The following LAMC3 variants were observed in gnomAD, a reference collection of about 807,000 sequenced individuals.
LAMC3 encodes the protein laminin subunit gamma 3.
LAMC3 carries 128 observed loss-of-function variants against 173.8 expected under a neutral mutation model. The observed-to-expected ratio is 0.74, with a 90% CI of 0.64 to 0.85. The LOEUF (loss-of-function observed/expected upper bound fraction) is 0.85, where lower values mean the gene tolerates loss of function less well. LAMC3 is among the 40% of genes least tolerant of loss of function. The pLI is 0.00. For missense variants in LAMC3, 2,022 were observed against 2,156.0 expected, an observed-to-expected ratio of 0.94 and a Z score of 1.23; for synonymous variants, 897 against 909.1, an observed-to-expected ratio of 0.99 and a Z score of 0.24.
At chr9:131,041,439 G>A (rs188473198) in intron 6 of LAMC3, among the ~76,000 whole-genome samples, 198 bp from the exon 7 acceptor site, 1 of 152,214 alleles carries the variant, frequency 6.6e-6, no homozygotes, top group Non-Finnish European at 1.5e-5. Context: ...GATGTGTGGT[G>A]GGTGGGAAGA....
At chr9:131,010,411 C>T (rs987449928) in intron 1 of LAMC3, among the ~76,000 whole-genome samples, 11 of 152,308 alleles carry the variant, frequency 7.2e-5, no homozygotes, top group African/African-American at 2.4e-4. Context: ...AGGGGTGCCC[C>T]GTGGGGCGGG....
Position 131,049,136 on chromosome 9 carries a change from T to G in LAMC3, c.1630+6T>G. ...GGAGGAGCTCACAGCACCAGGTACC[T>G]CCAGCACCAGGTGGGGGCTGGCCGC... On this transcript the variant is annotated splice_donor_region_variant and intron_variant, in intron 9 of 27. Transcript: ENST00000361069. 6.0e-6 allele frequency: 9 copies of G among 1,508,848 alleles called. No homozygotes were observed. The highest frequency in any genetic ancestry group is 7.2e-6 in the Non-Finnish European group (8 of 1,107,876). The allele number at this position is 1,508,848 out of a possible 1,614,324, so 93.5% of individuals were successfully genotyped here.
intron 1 of LAMC3, among the ~76,000 whole-genome samples, chr9:131,010,907 CTG>C (rs1564360513): frequency 6.6e-6 from 1 of 152,248 alleles, no homozygotes; most frequent in Non-Finnish European, 1.5e-5. Context: ...CCCATGTCCT[CTG>C]TGGCCGGGTA....
Position 131,092,816 on chromosome 9 carries a change from T to G in LAMC3, c.*1029T>G, listed in dbSNP as rs1436249576. 3 of 152,204 alleles carry G rather than the reference T, an allele frequency of 2.0e-5. No individual in the cohort carries two copies. Among genetic ancestry groups the G allele is most frequent in the Non-Finnish European group, 4.4e-5 (3 of 68,110 alleles). 9.4% of individuals were successfully genotyped at this position (152,204 alleles called of 1,614,324 possible). A position where few individuals can be genotyped will look rare whatever the true frequency, so the allele number is the denominator to read the frequency against. ...CTGGCTGCCATTCCAGTCTGTCCTG[T>G]CTGGGAATCGCCCTGTGGCCAGGCC... On this transcript the variant is annotated 3_prime_UTR_variant, in exon 28 of 28. Coordinates refer to ENST00000361069, the MANE Select transcript of LAMC3 (RefSeq NM_006059.4).
chr9:131,053,295 T>C (rs1834335872), intron 11 of LAMC3, among the ~76,000 whole-genome samples: 1 of 152,118 alleles, frequency 6.6e-6, no homozygotes, highest in South Asian at 2.1e-4. Context: ...CCAAGCCCCC[T>C]GTCCCCGCTG....
chr9:131,036,383 G>A (rs1564370121), intron 4 of LAMC3, 51 bp downstream of exon 4: 1 of 1,605,798 alleles, frequency 6.2e-7, no homozygotes, highest in Non-Finnish European at 8.5e-7. Flanking sequence ...TGGTGTTGCA[G>A]GCGGGGAAAG....
chr9:131,037,874 G>C (rs1833973202), intron 4 of LAMC3, among the ~76,000 whole-genome samples: 8 of 152,172 alleles, frequency 5.3e-5, no homozygotes, highest in Admixed American at 5.2e-4. Flanking sequence ...CCCAGCTAAC[G>C]TCCACTGACC....
At chr9:131,060,858 G>A (rs1457885647) in intron 12 of LAMC3, among the ~76,000 whole-genome samples, 177 bp from the exon 13 acceptor site, 1 of 152,130 alleles carries the variant, frequency 6.6e-6, no homozygotes. Context: ...TGGTGGACAT[G>A]AACCAGGTGG....
intron 24 of LAMC3, among the ~76,000 whole-genome samples, chr9:131,084,327 C>T (rs967909513): frequency 1.3e-5 from 2 of 152,044 alleles, no homozygotes; most frequent in African/African-American, 4.8e-5. Context: ...CCTTCCACCT[C>T]AGTCTCGTGA....
Position 131,052,492 on chromosome 9 carries a change from G to A in LAMC3, c.1632G>A (p.Glu544=), listed in dbSNP as rs746666733. Residue 544 remains glutamate (E), a splice_region_variant and synonymous_variant, in exon 10 of 28, where the codon GAG becomes GAA. Transcript: ENST00000361069. ...PEDEEELTAP[E]KFLGDQRFSY... ...AAAGCCTTCTTCTCTTGTCTTCAGA[G>A]AAGTTCCTGGGAGACCAGCGGTTCA... is the stretch of plus-strand genomic sequence containing the variant. 2 of 1,613,778 alleles carry A rather than the reference G, an allele frequency of 1.2e-6. No homozygotes were observed. The highest frequency in any genetic ancestry group is 1.6e-4 in the Middle Eastern group (1 of 6,084).
At chr9:131,055,040 G>A (rs1010235110) in intron 11 of LAMC3, among the ~76,000 whole-genome samples, 2 of 152,110 alleles carry the variant, frequency 1.3e-5, no homozygotes, top group African/African-American at 4.8e-5. Context: ...ATTGACAGGC[G>A]CTTAAGTGGC....
At chr9:131,075,994 CT>C in intron 21 of LAMC3, 29 bp downstream of exon 21, 2 of 1,580,562 alleles carry the variant, frequency 1.3e-6, no homozygotes, top group Non-Finnish European at 1.7e-6. Flanking sequence ...TGGGTAGAAA[CT>C]TTGGGGTTGG....
intron 24 of LAMC3, among the ~76,000 whole-genome samples, chr9:131,082,657 T>C (rs1431710229): frequency 6.6e-6 from 1 of 152,214 alleles, no homozygotes; most frequent in East Asian, 1.9e-4. Context: ...AGAGCTAAGC[T>C]GGGAATAGAA....
At chr9:131,044,337 C>G (rs1381398970) in intron 7 of LAMC3, among the ~76,000 whole-genome samples, 1 of 151,782 alleles carries the variant, frequency 6.6e-6, no homozygotes, top group African/African-American at 2.4e-5. Context: ...TAGTGAAACC[C>G]TGTCTCTACT....
Position 131,057,290 on chromosome 9 carries a change from G to A in LAMC3, c.2158+143G>A, listed in dbSNP as rs12005709. The A allele has an allele frequency of 0.018, 13,134 of 720,940 alleles. 1,107 individuals carry two copies. The African/African-American group carries it at 0.19, about 11-fold the overall frequency. The allele number at this position is 720,940 out of a possible 1,614,324, so 44.7% of individuals were successfully genotyped here. On this transcript the variant is annotated intron_variant, in intron 12 of 27. Coordinates refer to ENST00000361069, the MANE Select transcript of LAMC3 (RefSeq NM_006059.4). ...GGCAGTGCGGGCACTGAGCTTTCCCGTGCTGCTCAGTGCCTGGGCACCTCA... is the reference window on the plus strand; with the variant it reads ...GGCAGTGCGGGCACTGAGCTTTCCCATGCTGCTCAGTGCCTGGGCACCTCA...
intron 2 of LAMC3, among the ~76,000 whole-genome samples, chr9:131,030,744 G>A (rs1737325188): frequency 6.6e-6 from 1 of 152,228 alleles, no homozygotes; most frequent in Non-Finnish European, 1.5e-5. Context: ...ACTTTTTTCT[G>A]GAGAAGGAAT....
intron 15 of LAMC3, 28 bp from the exon 16 acceptor site, chr9:131,068,880 T>C: frequency 6.2e-7 from 1 of 1,613,400 alleles, no homozygotes; most frequent in South Asian, 1.1e-5. Flanking sequence ...TGAGCTTGCC[T>C]CAGACCCAGT....
chr9:131,070,651 C>T (rs557102052), intron 17 of LAMC3, among the ~76,000 whole-genome samples: 1 of 152,044 alleles, frequency 6.6e-6, no homozygotes, highest in South Asian at 2.1e-4. Context: ...GCGGAGGTCG[C>T]AGGGAGCCAA....
rs562513979 is a variant in LAMC3, at chr9:131,066,851, C to T, written c.2348-109C>T. On this transcript the variant is annotated intron_variant, in intron 13 of 27. Coordinates refer to ENST00000361069, the MANE Select transcript of LAMC3 (RefSeq NM_006059.4). ...GGTCCCAGGTCCTCCTGCCCAAGCC[C>T]GTGCTGCTCCGGGGAAGGTGGAGGG... 1.2e-5 allele frequency: 18 copies of T among 1,456,246 alleles called. No homozygotes were observed. The South Asian group carries it at 1.4e-4, about 11-fold the overall frequency. The allele number at this position is 1,456,246 out of a possible 1,614,324, so 90.2% of individuals were successfully genotyped here.
Sources: allele counts gnomAD v4.1 joint callset (sites outside exome capture counted in the v4.1 genomes callset), GRCh38; gene constraint gnomAD v4.1.1; transcripts MANE v1.5; gene names NCBI Gene and HGNC (gene_info 2026-07-23, HGNC 2026-07-21).